GAS7: variants seen among roughly 807,000 people sequenced by gnomAD.
GAS7 encodes growth arrest specific 7.
In GAS7, 28 loss-of-function variants were observed where a neutral mutation model predicts 71.1. The observed-to-expected ratio is 0.39, with a 90% CI of 0.29 to 0.54. The LOEUF (loss-of-function observed/expected upper bound fraction) is 0.54. Among genes scored for constraint, GAS7 ranks in the 20% least tolerant of loss-of-function variants. The pLI is 0.62. For missense variants in GAS7, 436 were observed against 627.8 expected (o/e 0.69, Z 3.27); for synonymous variants, 258 against 245.8 (o/e 1.05, Z -0.46).
At chr17:10,065,379 C>T (rs920710863) in intron 1 of GAS7, among the ~76,000 whole-genome samples, 1 of 152,102 alleles carries the variant, frequency 6.6e-6, no homozygotes, top group Non-Finnish European at 1.5e-5. Flanking sequence ...GCCAAGCTTC[C>T]AAAAATTAGT....
At chr17:10,049,793 T>G (rs2073037687) in intron 1 of GAS7, among the ~76,000 whole-genome samples, 1 of 151,856 alleles carries the variant, frequency 6.6e-6, no homozygotes, top group African/African-American at 2.4e-5. Flanking sequence ...GCTAATTTTT[T>G]GTATTCTTAG....
At chr17:10,101,164 C>T (rs1052980460) in intron 1 of GAS7, among the ~76,000 whole-genome samples, 2 of 152,164 alleles carry the variant, frequency 1.3e-5, no homozygotes, top group Non-Finnish European at 1.5e-5. Flanking sequence ...CAGGTATCCA[C>T]GCATGGTTTT....
chr17:10,127,251 C>A (rs996873905), intron 1 of GAS7, among the ~76,000 whole-genome samples: 1 of 152,134 alleles, frequency 6.6e-6, no homozygotes, highest in African/African-American at 2.4e-5. Flanking sequence ...AGTGCTTCCA[C>A]GAGCCCCTCC....
chr17:10,189,408 A>C (rs1305800024), intron 1 of GAS7, among the ~76,000 whole-genome samples: 2 of 152,158 alleles, frequency 1.3e-5, no homozygotes, highest in East Asian at 3.9e-4. Context: ...TCCAGAACGC[A>C]TCCGAAGATG....
intron 7 of GAS7, among the ~76,000 whole-genome samples, chr17:9,941,868 C>T (rs1055284056): frequency 1.3e-5 from 2 of 152,082 alleles, no homozygotes; most frequent in South Asian, 2.1e-4. Flanking sequence ...TGAACACATC[C>T]GATCTCATAT....
intron 1 of GAS7, among the ~76,000 whole-genome samples, chr17:10,181,145 A>G (rs1234359058): frequency 6.8e-6 from 1 of 146,452 alleles, no homozygotes; most frequent in African/African-American, 2.5e-5. Context: ...GCACATCACG[A>G]GGTCAGGAGA....
chr17:9,964,019 A>G (rs1167782034), intron 4 of GAS7, among the ~76,000 whole-genome samples: 3 of 152,104 alleles, frequency 2.0e-5, no homozygotes, highest in Admixed American at 1.3e-4. Flanking sequence ...GGCTTAACAG[A>G]TTTGTGGTAC....
chr17:10,046,841 G>GAAGGA (rs2072975667), intron 1 of GAS7, among the ~76,000 whole-genome samples: 1 of 112,390 alleles, frequency 8.9e-6, no homozygotes, highest in Non-Finnish European at 1.8e-5. Context: ...AGGAAGGAAG[G>GAAGGA]AAGGAAAGAA....
At position 9,996,978 on chromosome 17, in the gene GAS7, A is replaced by G. The variant is rs547574622; in HGVS notation, c.305-15094T>C. Among the ~76,000 whole-genome samples the G allele has an allele frequency of 6.5e-4, 98 of 151,812 alleles. 1 individual carries two copies. Among genetic ancestry groups the G allele is most frequent in the Middle Eastern group, 3.4e-3 (1 of 294 alleles). ...TTTATAGTATATCCCATTTGAATCT[A>G]TGAGAAATTTCCATGATAGAAAACA... On this transcript the variant is annotated intron_variant, in intron 2 of 13. Transcript: ENST00000432992.
chr17:10,175,512 T>C (rs531198895), intron 1 of GAS7, among the ~76,000 whole-genome samples: 1 of 152,300 alleles, frequency 6.6e-6, no homozygotes, highest in East Asian at 1.9e-4. Flanking sequence ...GTTTTCCCTC[T>C]GTGTGTATCT....
At chr17:10,017,635 A>G (rs2072094543) in intron 2 of GAS7, among the ~76,000 whole-genome samples, 1 of 152,134 alleles carries the variant, frequency 6.6e-6, no homozygotes. Flanking sequence ...GGCCAGAACG[A>G]TGATATTTTA....
chr17:10,016,751 A>AAATAATAAT lies in GAS7; in HGVS notation c.304+3017_304+3025dup, dbSNP rs4057773. On this transcript the variant is annotated intron_variant, in intron 2 of 13. Transcript: ENST00000432992. ...TAACATGGCAAAACATCTCTACAAAAAATAATAATAATAATAATAATAATA... is the reference window on the plus strand; with the variant it reads ...TAACATGGCAAAACATCTCTACAAAAAATAATAATAATAATAATAATAATAATAATAATA... Among the ~76,000 whole-genome samples, 308 of 139,906 alleles carry AAATAATAAT rather than the reference A, an allele frequency of 2.2e-3. 1 individual carries two copies. The highest frequency in any genetic ancestry group is 6.4e-3 in the East Asian group (31 of 4,818). 91.8% of individuals were successfully genotyped at this position (139,906 alleles called of 152,430 possible). A position where few individuals can be genotyped will look rare whatever the true frequency, so the allele number is the denominator to read the frequency against.
intron 2 of GAS7, among the ~76,000 whole-genome samples, chr17:9,994,920 C>T (rs1206421467): frequency 6.6e-6 from 1 of 152,244 alleles, no homozygotes; most frequent in African/African-American, 2.4e-5. Flanking sequence ...AGACAAGTTT[C>T]AAGCAATCCT....
intron 1 of GAS7, among the ~76,000 whole-genome samples, chr17:10,178,922 T>A (rs1444791884): frequency 2.0e-5 from 3 of 151,742 alleles, no homozygotes; most frequent in South Asian, 2.1e-4. Context: ...CCTTGGAGGA[T>A]CCGATTATAC....
rs754573807 is a variant in GAS7, at chr17:9,946,970, G to A, written c.539C>T (p.Thr180Met). ...KENTITINCV[T>M]FPHPDTMPEQ... is the part of the protein sequence containing the mutation. Reference sequence around the variant, plus strand: ...CGGCATCGTGTCTGGGTGAGGGAACGTCACACAGTTTATCTGTAGGGCACA... The same window carrying A: ...CGGCATCGTGTCTGGGTGAGGGAACATCACACAGTTTATCTGTAGGGCACA... Residue 180 changes from threonine (T) to methionine (M), a missense_variant, in exon 6 of 14, where the codon ACG (threonine) becomes ATG (methionine). Thr to Met is a moderately conservative substitution (Grantham distance 81, BLOSUM62 -1). Coordinates refer to ENST00000432992, the MANE Select transcript of GAS7 (RefSeq NM_201433.2). 6 of 1,609,014 alleles carry A rather than the reference G, an allele frequency of 3.7e-6. No individual in the cohort carries two copies. The highest frequency in any genetic ancestry group is 2.2e-5 in the East Asian group (1 of 44,826).
intron 1 of GAS7, among the ~76,000 whole-genome samples, chr17:10,077,124 T>C (rs926365509): frequency 2.6e-5 from 4 of 152,344 alleles, no homozygotes; most frequent in African/African-American, 9.6e-5. Context: ...ACTTTTCTCA[T>C]GTTAATCTGC....
intron 1 of GAS7, among the ~76,000 whole-genome samples, chr17:10,090,011 T>C (rs973321569): frequency 4.0e-5 from 6 of 151,872 alleles, no homozygotes; most frequent in Non-Finnish European, 7.4e-5. Flanking sequence ...CTACTAAAAA[T>C]ACGAAAAATT....
At chr17:9,979,559 T>C (rs2070332716) in intron 3 of GAS7, among the ~76,000 whole-genome samples, 1 of 152,090 alleles carries the variant, frequency 6.6e-6, no homozygotes, top group African/African-American at 2.4e-5. Context: ...ACAGCCCCCA[T>C]CAACAGCAGA....
At chr17:10,120,921 A>G (rs1200120529) in intron 1 of GAS7, among the ~76,000 whole-genome samples, 2 of 152,084 alleles carry the variant, frequency 1.3e-5, no homozygotes, top group African/African-American at 4.8e-5. Flanking sequence ...CTTCCTTCAC[A>G]ACTGCCACAT....
Sources: allele counts gnomAD v4.1 joint callset (sites outside exome capture counted in the v4.1 genomes callset), GRCh38; gene constraint gnomAD v4.1.1; transcripts MANE v1.5; gene names NCBI Gene and HGNC (gene_info 2026-07-23, HGNC 2026-07-21).